Variants in INPP1 observed in about 807,000 individuals in gnomAD.
The protein encoded by INPP1 is inositol polyphosphate 1-phosphatase.
INPP1 carries 18 observed loss-of-function variants against 23.0 expected under a neutral mutation model. The ratio of observed to expected loss-of-function variants is 0.78; its 90% confidence interval spans 0.54 to 1.16. The LOEUF (loss-of-function observed/expected upper bound fraction) is 1.16. Ranked by LOEUF, INPP1 falls within the 50% of genes most tolerant of loss-of-function variation. The pLI, the probability that INPP1 is intolerant of heterozygous loss-of-function variation, is 0.00. For missense variants in INPP1, 448 were observed against 482.1 expected, an observed-to-expected ratio of 0.93 and a Z score of 0.66; for synonymous variants, 164 against 176.3, an observed-to-expected ratio of 0.93 and a Z score of 0.55.
chr2:190,371,397 A>T lies in INPP1; in HGVS notation c.1195A>T (p.Thr399Ser), dbSNP rs1389304852. ...VQNLAPAETH[T>S] Reference sequence around the variant, plus strand: ...AAACCTGGCACCTGCAGAGACGCATACCTAGAGGAACTCTAACCCCGGTGT... The same window carrying T: ...AAACCTGGCACCTGCAGAGACGCATTCCTAGAGGAACTCTAACCCCGGTGT... Residue 399 changes from threonine to serine, a missense_variant, in exon 7 of 7, where the codon ACC (threonine) becomes TCC (serine). By Grantham distance (58) the Thr-to-Ser change is moderately conservative. Transcript: ENST00000392329. The surrounding 1 kb of genome is among the most constrained non-coding windows in gnomAD (Gnocchi z 5.3). The T allele has an allele frequency of 6.6e-7, 1 of 1,516,640 alleles. No homozygotes were observed. The highest frequency in any genetic ancestry group is 1.4e-5 in the African/African-American group (1 of 71,586). The allele number at this position is 1,516,640 out of a possible 1,614,324, so 93.9% of individuals were successfully genotyped here. A position where few individuals can be genotyped will look rare whatever the true frequency, so the allele number is the denominator to read the frequency against.
rs983373500 is a variant in INPP1 at position 190,367,504 on chromosome 2, G to A, written c.466+609G>A. On this transcript the variant is annotated intron_variant, in intron 5 of 6. Transcript: ENST00000392329. This position sits in a 1 kb window ranked among gnomAD's most constrained non-coding sequence, Gnocchi z 4.1. ...CTGCATGAGCTCTACATTTTTTTTG[G>A]TCATGATTGTGATAGAACCATAATG... 2.0e-5 allele frequency among the ~76,000 whole-genome samples: 3 copies of A among 152,136 alleles called. No individual in the cohort carries two copies. The highest frequency in any genetic ancestry group is 7.2e-5 in the African/African-American group (3 of 41,428).
At chr2:190,365,577 T>G (rs921215148) in intron 4 of INPP1, among the ~76,000 whole-genome samples, 20 of 152,222 alleles carry the variant, frequency 1.3e-4, no homozygotes, top group Non-Finnish European at 4.4e-5. Context: ...TGTGCCCACA[T>G]GGGCATTTTT....
In INPP1 at chr2:190,357,203, G is replaced by A. The variant is rs557342528; in HGVS notation, c.-64-2836G>A. 1.1e-4 allele frequency among the ~76,000 whole-genome samples: 17 copies of A among 152,110 alleles called. No homozygotes were observed. In the South Asian group the frequency reaches 3.1e-3, roughly 28 times the overall value. On this transcript the variant is annotated intron_variant, in intron 2 of 6. Coordinates refer to ENST00000392329, the MANE Select transcript of INPP1 (RefSeq NM_001128928.2). Reference sequence around the variant, plus strand: ...CCTGAAAGCTTTTTGCATTATTACCGCAGTCTCATTTTATTTAGACATTTG... The same window carrying A: ...CCTGAAAGCTTTTTGCATTATTACCACAGTCTCATTTTATTTAGACATTTG...
intron 1 of INPP1, 127 bp downstream of exon 1, chr2:190,344,088 T>C (rs1159654341): frequency 1.1e-5 from 3 of 283,764 alleles, no homozygotes; most frequent in Non-Finnish European, 1.5e-5. Context: ...GGTGAGTCGA[T>C]GGCGCCGGGA....
chr2:190,359,932 C>G, intron 2 of INPP1, 107 bp from the exon 3 acceptor site: 1 of 607,646 alleles, frequency 1.6e-6, no homozygotes, highest in Non-Finnish European at 2.9e-6. Context: ...ACTAGCTGTT[C>G]ACCAGGCTGA....
chr2:190,350,054 A>G (rs893310415), intron 2 of INPP1, among the ~76,000 whole-genome samples: 4 of 152,214 alleles, frequency 2.6e-5, no homozygotes, highest in African/African-American at 9.6e-5. Flanking sequence ...CATGTTGGCC[A>G]GGCTGGCCTT....
At chr2:190,351,146 A>G (rs1309499182) in intron 2 of INPP1, among the ~76,000 whole-genome samples, 2 of 152,248 alleles carry the variant, frequency 1.3e-5, no homozygotes, top group Non-Finnish European at 2.9e-5. Context: ...ATGCATTTAA[A>G]TCTCTTGTTA....
At position 190,368,628 on chromosome 2, in the gene INPP1, A is replaced by G. The variant is rs1689732133; in HGVS notation, c.467-475A>G. On this transcript the variant is annotated intron_variant, in intron 5 of 6. Transcript: ENST00000392329. The surrounding 1 kb of genome is among the most constrained non-coding windows in gnomAD (Gnocchi z 4.3). The stretch of plus-strand genomic sequence containing the variant: ...TTATCCTTTGAGTAATAAACAATCT[A>G]GTTACACTCTTTATTTTAAAATGTA... 6.6e-6 allele frequency: 1 copy of G among 152,306 alleles called. No individual in the cohort carries two copies. Among genetic ancestry groups the G allele is most frequent in the African/African-American group, 2.4e-5 (1 of 41,456 alleles). The allele number at this position is 152,306 out of a possible 1,614,324, so 9.4% of individuals were successfully genotyped here. A position where few individuals can be genotyped will look rare whatever the true frequency, so the allele number is the denominator to read the frequency against.
In INPP1 at chr2:190,370,856, G is replaced by A; in HGVS notation, c.654G>A (p.Gln218=). Residue 218 remains glutamine (Q), a synonymous_variant, in exon 7 of 7, where the codon CAG becomes CAA. Transcript: ENST00000392329. ...TTTTCTTCTACAGGTGGAAAGGACA[G>A]TGCTATTGGGGCCTTTCTTACATGG... The part of the protein sequence containing the change: ...RDPNTLRWKG[Q]CYWGLSYMGT... The A allele has an allele frequency of 6.2e-7, 1 of 1,608,498 alleles. No individual in the cohort carries two copies. Among genetic ancestry groups the A allele is most frequent in the Non-Finnish European group, 8.5e-7 (1 of 1,176,232 alleles).
At chr2:190,366,301 C>T (rs865862074) in intron 4 of INPP1, among the ~76,000 whole-genome samples, 2 of 147,670 alleles carry the variant, frequency 1.4e-5, no homozygotes, top group Non-Finnish European at 3.0e-5. Flanking sequence ...CTGTCTCTCT[C>T]GCTCTGTCTC....
chr2:190,370,499 T>A (rs1035586212), intron 6 of INPP1, among the ~76,000 whole-genome samples: 2 of 152,194 alleles, frequency 1.3e-5, no homozygotes, highest in African/African-American at 4.8e-5. Flanking sequence ...CACTTTTCTA[T>A]TCCTTTTTCC....
chr2:190,362,702 C>A lies in INPP1; in HGVS notation c.265+15C>A. 6.7e-7 allele frequency: 1 copy of A among 1,482,918 alleles called. No homozygotes were observed. Among genetic ancestry groups the A allele is most frequent in the Non-Finnish European group, 9.3e-7 (1 of 1,071,360 alleles). The allele number at this position is 1,482,918 out of a possible 1,614,324, so 91.9% of individuals were successfully genotyped here. A position where few individuals can be genotyped will look rare whatever the true frequency, so the allele number is the denominator to read the frequency against. ...TAATGACTGGGGTAAGTATAAGAAT[C>A]TTAATGTGTCTTTGTAATTTAATTA... On this transcript the variant is annotated intron_variant, in intron 4 of 6. Coordinates refer to ENST00000392329, the MANE Select transcript of INPP1 (RefSeq NM_001128928.2).
intron 3 of INPP1, among the ~76,000 whole-genome samples, chr2:190,361,226 C>G (rs1425937311): frequency 2.0e-5 from 3 of 152,182 alleles, no homozygotes; most frequent in Admixed American, 2.0e-4. Flanking sequence ...GGCAGACTGG[C>G]TCCAGAGTCT....
rs142570950 is a variant in INPP1, at chr2:190,360,169, A to G, written c.67A>G (p.Arg23Gly). Residue 23 changes from arginine to glycine, a missense_variant, in exon 3 of 7, where the codon AGA becomes GGA. Physicochemically the swap from Arg to Gly is moderately radical, Grantham distance 125 (BLOSUM62 -2). Transcript: ENST00000392329. ...GGCTGCTAACATTGCCCGGGCGTGC[A>G]GACAGCAGGAAGCCCTCTTCCAGCT... ...EKAANIARACRQQEALFQLLI... is the reference protein window; with the variant it reads ...EKAANIARACGQQEALFQLLI... 1 of 1,614,180 alleles carries G rather than the reference A, an allele frequency of 6.2e-7. No individual in the cohort carries two copies.
chr2:190,369,346 G>A (rs936249490), intron 6 of INPP1, 69 bp downstream of exon 6: 57 of 808,024 alleles, frequency 7.1e-5, no homozygotes, highest in Non-Finnish European at 1.1e-4. Flanking sequence ...CTTGTTGTTA[G>A]GATTATCACT....
chr2:190,362,870 A>G, intron 4 of INPP1, 183 bp downstream of exon 4: 1 of 414,428 alleles, frequency 2.4e-6, no homozygotes, highest in Non-Finnish European at 4.4e-6. Flanking sequence ...AAGTAGAGAG[A>G]TGTGGTATCT....
rs1400163792 is a variant in INPP1, at chr2:190,345,439, T to C, written c.-209+1478T>C. On this transcript the variant is annotated intron_variant, in intron 1 of 6. Coordinates refer to ENST00000392329, the MANE Select transcript of INPP1 (RefSeq NM_001128928.2). This position sits in a 1 kb window ranked among gnomAD's most constrained non-coding sequence, Gnocchi z 4.9. The stretch of plus-strand genomic sequence containing the variant: ...AGTTATAAAGGTTATTATATATTTA[T>C]TTTGCTTTTTAATTCTGTCTCTAAT... The C allele has an allele frequency of 6.6e-6, 1 of 152,264 alleles. No homozygotes were observed. The highest frequency in any genetic ancestry group is 1.5e-5 in the Non-Finnish European group (1 of 68,052). The allele number at this position is 152,264 out of a possible 1,614,324, so 9.4% of individuals were successfully genotyped here.
At chr2:190,362,894 C>T (rs1483006546) in intron 4 of INPP1, 1 of 376,364 alleles carries the variant, frequency 2.7e-6, no homozygotes, top group Admixed American at 4.6e-5. Flanking sequence ...AATAATTTAG[C>T]AAGTCCATGT....
chr2:190,366,655 C>A, intron 4 of INPP1, 40 bp from the exon 5 acceptor site: 1 of 1,405,574 alleles, frequency 7.1e-7, no homozygotes, highest in Non-Finnish European at 1.0e-6. Context: ...TCCACTGAAA[C>A]TCTTGAAATG....
Sources: allele counts gnomAD v4.1 joint callset (sites outside exome capture counted in the v4.1 genomes callset), GRCh38; gene constraint gnomAD v4.1.1; non-coding constraint Gnocchi (gnomAD v3.1); transcripts MANE v1.5; gene names NCBI Gene and HGNC (gene_info 2026-07-23, HGNC 2026-07-21).